The following MAML2 variants were observed in gnomAD, a reference collection of about 807,000 sequenced individuals.
The protein encoded by MAML2 is mastermind like transcriptional coactivator 2.
Under a neutral mutation model 96.1 loss-of-function variants are expected in MAML2, and 22 were observed. That is an observed-to-expected ratio of 0.23 (90% confidence interval 0.16 to 0.33). The LOEUF (loss-of-function observed/expected upper bound fraction) is 0.33. MAML2 is among the 10% of genes least tolerant of loss of function. MAML2 has a pLI of 1.00. For synonymous variants in MAML2, 561 were observed against 521.3 expected, an observed-to-expected ratio of 1.08 and a Z score of -1.04; for missense variants, 1,367 against 1,392.4, an observed-to-expected ratio of 0.98 and a Z score of 0.29.
rs1247298368 is a variant in MAML2 at position 96,015,582 on chromosome 11, AAAG to A, written c.2140-23862_2140-23860del. On this transcript the variant is annotated intron_variant, in intron 2 of 4. Coordinates refer to ENST00000524717, the MANE Select transcript of MAML2 (RefSeq NM_032427.4). ...GTGCTAAGAAGGCAAAAAAAAAAAAAAAGGGGGGGGGGGCAATTCATGAAGACA... is the reference window on the plus strand; with the variant it reads ...GTGCTAAGAAGGCAAAAAAAAAAAAAGGGGGGGGGGCAATTCATGAAGACA... Among the ~76,000 whole-genome samples the A allele has an allele frequency of 3.5e-3, 310 of 88,404 alleles. 2 individuals carry two copies. Among genetic ancestry groups the A allele is most frequent in the African/African-American group, 9.7e-3 (259 of 26,728 alleles). The allele number at this position is 88,404 out of a possible 152,430, so 58.0% of individuals were successfully genotyped here. A position where few individuals can be genotyped will look rare whatever the true frequency, so the allele number is the denominator to read the frequency against.
At chr11:96,237,745 T>C (rs1209728620) in intron 1 of MAML2, among the ~76,000 whole-genome samples, 1 of 152,222 alleles carries the variant, frequency 6.6e-6, no homozygotes, top group Non-Finnish European at 1.5e-5. Flanking sequence ...GAAAACTACA[T>C]AATCTTTTAT....
intron 1 of MAML2, among the ~76,000 whole-genome samples, chr11:96,197,243 A>T (rs535291464): frequency 6.6e-6 from 1 of 152,370 alleles, no homozygotes; most frequent in Non-Finnish European, 1.5e-5. Context: ...CCAGAGACAC[A>T]TTAGCAATAG....
chr11:96,049,298 T>G (rs1275470949), intron 2 of MAML2, among the ~76,000 whole-genome samples: 2 of 152,200 alleles, frequency 1.3e-5, no homozygotes. Flanking sequence ...GGTAATAATA[T>G]AAAGTAGAGA....
chr11:96,023,526 G>A (rs554144054), intron 2 of MAML2, among the ~76,000 whole-genome samples: 2 of 152,302 alleles, frequency 1.3e-5, no homozygotes, highest in African/African-American at 4.8e-5. Flanking sequence ...CAGCTAGTGA[G>A]ACGACTGATG....
chr11:96,013,487 G>C (rs1471318943), intron 2 of MAML2, among the ~76,000 whole-genome samples: 2 of 152,164 alleles, frequency 1.3e-5, no homozygotes, highest in Admixed American at 1.3e-4. Context: ...GAGAAAGGCA[G>C]GTCCCTGGCA....
intron 2 of MAML2, among the ~76,000 whole-genome samples, chr11:95,999,778 G>A (rs1311857145): frequency 2.6e-5 from 4 of 152,024 alleles, no homozygotes; most frequent in African/African-American, 9.7e-5. Context: ...GGCTTCTAGA[G>A]CTAGGCATCC....
chr11:96,126,409 T>C (rs951156372), intron 1 of MAML2, among the ~76,000 whole-genome samples: 3 of 147,378 alleles, frequency 2.0e-5, no homozygotes, highest in Non-Finnish European at 4.5e-5. Flanking sequence ...AATACAAAAA[T>C]TAGCCAGGTG....
At chr11:95,993,835 C>A (rs973897648) in intron 2 of MAML2, among the ~76,000 whole-genome samples, 2 of 152,168 alleles carry the variant, frequency 1.3e-5, no homozygotes, top group Non-Finnish European at 2.9e-5. Flanking sequence ...GGGCGACCAT[C>A]CACTGAGGCT....
At chr11:95,993,207 GA>G (rs57752907) in intron 2 of MAML2, among the ~76,000 whole-genome samples, 38,450 of 129,030 alleles carry the variant, frequency 0.3, 5,001 homozygotes, top group South Asian at 0.41. Flanking sequence ...ACTGTGCCCA[GA>G]AAAAAAAAAA....
chr11:96,054,518 A>T (rs1184958033), intron 2 of MAML2, among the ~76,000 whole-genome samples: 1 of 152,280 alleles, frequency 6.6e-6, no homozygotes, highest in East Asian at 1.9e-4. Flanking sequence ...GGTTCTTCCA[A>T]TGAGGGAGCA....
intron 1 of MAML2, among the ~76,000 whole-genome samples, chr11:96,198,266 A>T (rs1861759784): frequency 6.6e-6 from 1 of 152,196 alleles, no homozygotes; most frequent in Non-Finnish European, 1.5e-5. Flanking sequence ...GGACCTCAGG[A>T]CTGCTGTGAG....
chr11:96,215,720 A>G (rs1022231470), intron 1 of MAML2, among the ~76,000 whole-genome samples: 1 of 151,762 alleles, frequency 6.6e-6, no homozygotes, highest in Non-Finnish European at 1.5e-5. Flanking sequence ...GCAGCTGGGC[A>G]GAGCCCAGCT....
At chr11:96,317,612 T>C (rs957621722) in intron 1 of MAML2, among the ~76,000 whole-genome samples, 3 of 152,222 alleles carry the variant, frequency 2.0e-5, no homozygotes, top group African/African-American at 7.2e-5. Flanking sequence ...GTTTCTCTAA[T>C]GGTCACTCCA....
chr11:96,247,023 G>T (rs1422300466), intron 1 of MAML2, among the ~76,000 whole-genome samples: 1 of 152,008 alleles, frequency 6.6e-6, no homozygotes, highest in Non-Finnish European at 1.5e-5. Flanking sequence ...CAAAAATTGC[G>T]TGTGATCCTC....
In MAML2 at chr11:96,092,339, T is replaced by C. The variant is rs548050257; in HGVS notation, c.1692A>G (p.Ser564=). The part of the protein sequence containing the change: ...GNTKPLFHFN[S]DQANQQMPSV... ...AAGGCATCTGCTGGTTCGCTTGATC[T>C]GAGTTAAAATGAAACAAAGGCTTGG... The change falls in exon 2 of 5, where the codon TCA becomes TCG. Residue 564 remains serine (S), a synonymous_variant. Transcript: ENST00000524717. This position sits in a 1 kb window ranked among gnomAD's most constrained non-coding sequence, Gnocchi z 4.1. 157 of 1,610,522 alleles carry C rather than the reference T, an allele frequency of 9.7e-5. No individual in the cohort carries two copies. Among genetic ancestry groups the C allele is most frequent in the Non-Finnish European group, 1.2e-4 (147 of 1,178,410 alleles).
chr11:96,295,244 GC>G (rs1863275128), intron 1 of MAML2, among the ~76,000 whole-genome samples: 8 of 152,072 alleles, frequency 5.3e-5, no homozygotes, highest in Admixed American at 5.2e-4. Flanking sequence ...TCTTAAGGGA[GC>G]TTTGAAGAGT....
At chr11:96,064,400 T>C (rs1859214077) in intron 2 of MAML2, among the ~76,000 whole-genome samples, 2 of 152,220 alleles carry the variant, frequency 1.3e-5, no homozygotes, top group Admixed American at 1.3e-4. Flanking sequence ...TCCCTCAGAT[T>C]CTCTAAGAAG....
At position 96,164,867 on chromosome 11, in the gene MAML2, A is replaced by C. The variant is rs371085471; in HGVS notation, c.514-71350T>G. 3.9e-5 allele frequency among the ~76,000 whole-genome samples: 6 copies of C among 152,332 alleles called. No homozygotes were observed. In the East Asian group the frequency reaches 5.8e-4, roughly 15 times the overall value. On this transcript the variant is annotated intron_variant, in intron 1 of 4. Transcript: ENST00000524717. ...TCCCAACAGGACTGATTAGGGGAGA[A>C]ACCCACCCATCCTTTCTATTTTCCT... is the stretch of plus-strand genomic sequence containing the variant.
At chr11:96,227,994 C>CG (rs1164982077) in intron 1 of MAML2, among the ~76,000 whole-genome samples, 2 of 152,090 alleles carry the variant, frequency 1.3e-5, no homozygotes, top group African/African-American at 2.4e-5. Flanking sequence ...CCCAGCCACT[C>CG]GGGGGGCTGA....
Sources: gnomAD v4.1 joint callset for allele counts (sites outside exome capture counted in the v4.1 genomes callset) on GRCh38, gnomAD v4.1.1 for gene constraint, Gnocchi (gnomAD v3.1) non-coding constraint, MANE v1.5 for transcripts, NCBI Gene and HGNC (gene_info 2026-07-23, HGNC 2026-07-21) for gene names.